The following DYM variants were observed in gnomAD, a reference collection of about 807,000 sequenced individuals.
The protein encoded by DYM is dymeclin.
DYM carries 78 observed loss-of-function variants against 93.1 expected under a neutral mutation model. The observed-to-expected ratio is 0.84, with a 90% CI of 0.70 to 1.01. DYM has a LOEUF of 1.01. DYM is among the 50% of genes least tolerant of loss of function. The pLI is 0.00. For missense variants in DYM, 789 were observed against 845.0 expected, an observed-to-expected ratio of 0.93 and a Z score of 0.82; for synonymous variants, 321 against 319.7, an observed-to-expected ratio of 1.00 and a Z score of -0.04.
At chr18:49,209,035 T>G (rs1343767832) in intron 14 of DYM, among the ~76,000 whole-genome samples, 1 of 152,224 alleles carries the variant, frequency 6.6e-6, no homozygotes, top group Non-Finnish European at 1.5e-5. Context: ...TATGATTTTA[T>G]AGCCACTCTG....
intron 13 of DYM, among the ~76,000 whole-genome samples, chr18:49,242,500 TC>T (rs931402060): frequency 6.6e-6 from 1 of 152,134 alleles, no homozygotes; most frequent in African/African-American, 2.4e-5. Context: ...AAATAAAGTT[TC>T]CTGAGTAAGA....
chr18:49,246,382 A>G (rs1377886080), intron 13 of DYM, among the ~76,000 whole-genome samples: 1 of 152,202 alleles, frequency 6.6e-6, no homozygotes, highest in East Asian at 1.9e-4. Flanking sequence ...TCCATGAAAC[A>G]CATGCAATTC....
intron 2 of DYM, among the ~76,000 whole-genome samples, chr18:49,413,349 T>C (rs1288301561): frequency 6.6e-6 from 1 of 152,092 alleles, no homozygotes. Context: ...AAAATGGAGG[T>C]GTCTACAGCA....
rs187821653 is a variant in DYM, at chr18:49,403,953, T to C, written c.141-12308A>G. On this transcript the variant is annotated intron_variant, in intron 2 of 17. Transcript: ENST00000675505. ...TATGGCTGCATAATAGTCTATGGCA[T>C]ATATATAGCACATTTTATTTATCCA... Among the ~76,000 whole-genome samples, 343 of 152,282 alleles carry C rather than the reference T, an allele frequency of 2.3e-3. 3 individuals carry two copies. The highest frequency in any genetic ancestry group is 0.02 in the Middle Eastern group (6 of 294).
At chr18:49,282,245 T>A in intron 9 of DYM, 70 bp from the exon 10 acceptor site, 2 of 1,334,752 alleles carry the variant, frequency 1.5e-6, no homozygotes, top group Non-Finnish European at 2.1e-6. Flanking sequence ...ATTGTTAAAG[T>A]AATGTGTACA....
At chr18:49,328,543 G>C (rs947937311) in intron 8 of DYM, among the ~76,000 whole-genome samples, 1 of 152,030 alleles carries the variant, frequency 6.6e-6, no homozygotes, top group African/African-American at 2.4e-5. Context: ...ATCTGACAAA[G>C]GGCTAATATC....
At chr18:49,063,297 GATTTC>G (rs1276661216) in intron 17 of DYM, among the ~76,000 whole-genome samples, 7 of 147,698 alleles carry the variant, frequency 4.7e-5, no homozygotes, top group African/African-American at 1.8e-4. Flanking sequence ...AGAAAAGCCA[GATTTC>G]TTTTCTTTTT....
intron 17 of DYM, among the ~76,000 whole-genome samples, chr18:49,071,173 T>C (rs1415844022): frequency 1.3e-5 from 2 of 152,242 alleles, no homozygotes; most frequent in African/African-American, 2.4e-5. Flanking sequence ...GTTGAATGCA[T>C]GAATTTGATA....
intron 17 of DYM, among the ~76,000 whole-genome samples, chr18:49,060,148 G>GC (rs2075831404): frequency 6.6e-6 from 1 of 152,094 alleles, no homozygotes. Flanking sequence ...AAAGTACAAT[G>GC]CAATAATTGC....
rs771613133 is a variant in DYM, at chr18:49,038,721, C to T, written c.*5334G>A. Among the ~76,000 whole-genome samples, 1 of 152,176 alleles carries T rather than the reference C, an allele frequency of 6.6e-6. No individual in the cohort carries two copies. The highest frequency in any genetic ancestry group is 1.5e-5 in the Non-Finnish European group (1 of 67,994). ...TTTTCTTCTTTCTTAGACTCTTTTG[C>T]AATTCTTAAATCTTCCACTGAATTG... On this transcript the variant is annotated 3_prime_UTR_variant, in exon 18 of 18. Coordinates refer to ENST00000675505, the MANE Select transcript of DYM (RefSeq NM_001353214.3).
At chr18:49,399,671 C>A (rs780870726) in intron 2 of DYM, among the ~76,000 whole-genome samples, 2 of 152,102 alleles carry the variant, frequency 1.3e-5, no homozygotes, top group African/African-American at 4.8e-5. Context: ...AAACTGAGCA[C>A]GCAGCAGTAA....
At chr18:49,299,967 C>T (rs907807922) in intron 8 of DYM, among the ~76,000 whole-genome samples, 7 of 149,402 alleles carry the variant, frequency 4.7e-5, no homozygotes, top group East Asian at 2.0e-4. Flanking sequence ...GGCATAAACC[C>T]GGGAGATGGA....
chr18:49,349,367 T>G lies in DYM; in HGVS notation c.494+13794A>C, dbSNP rs920637079. ...TAAAGTTCAACACAAAAAAAGTTAT[T>G]AAAAATATTCTTAAAAACAAAAATT... On this transcript the variant is annotated intron_variant, in intron 6 of 17. Coordinates refer to ENST00000675505, the MANE Select transcript of DYM (RefSeq NM_001353214.3). 2.0e-5 allele frequency among the ~76,000 whole-genome samples: 3 copies of G among 152,124 alleles called. No homozygotes were observed. The East Asian group carries it at 5.8e-4, about 29-fold the overall frequency.
intron 13 of DYM, among the ~76,000 whole-genome samples, chr18:49,224,596 T>A (rs930654473): frequency 6.6e-6 from 1 of 152,008 alleles, no homozygotes; most frequent in Non-Finnish European, 1.5e-5. Flanking sequence ...ATGGGATTAG[T>A]GTCCTTACAA....
At chr18:49,381,525 G>A (rs901451888) in intron 3 of DYM, among the ~76,000 whole-genome samples, 1 of 152,200 alleles carries the variant, frequency 6.6e-6, no homozygotes, top group African/African-American at 2.4e-5. Flanking sequence ...CTTGGTGGAA[G>A]TTCAGAATCC....
chr18:49,326,635 A>C (rs574105902), intron 8 of DYM, among the ~76,000 whole-genome samples: 25 of 152,330 alleles, frequency 1.6e-4, no homozygotes, highest in African/African-American at 5.8e-4. Context: ...CCAATAATAA[A>C]CAGAAGGAAG....
chr18:49,215,781 C>T (rs543143453), intron 13 of DYM, among the ~76,000 whole-genome samples: 153 of 152,294 alleles, frequency 1.0e-3, no homozygotes, highest in Admixed American at 3.5e-3. Context: ...CCAAGATGGC[C>T]GAATAGGAAC....
intron 13 of DYM, among the ~76,000 whole-genome samples, chr18:49,220,056 T>A (rs1321874146): frequency 1.3e-5 from 2 of 152,060 alleles, no homozygotes; most frequent in Non-Finnish European, 2.9e-5. Context: ...TTCAGCAAAG[T>A]CCCAGGATAC....
At chr18:49,316,025 T>TA (rs1274395608) in intron 8 of DYM, among the ~76,000 whole-genome samples, 1 of 152,218 alleles carries the variant, frequency 6.6e-6, no homozygotes. Context: ...CTCACGCCTG[T>TA]AATCCCAGTG....
Sources: allele counts gnomAD v4.1 joint callset (sites outside exome capture counted in the v4.1 genomes callset), GRCh38; gene constraint gnomAD v4.1.1; transcripts MANE v1.5; gene names NCBI Gene and HGNC (gene_info 2026-07-23, HGNC 2026-07-21).